KCNH7: variants seen among roughly 807,000 people sequenced by gnomAD.
KCNH7 encodes the protein voltage-gated inwardly rectifying potassium channel KCNH7.
In KCNH7, 49 loss-of-function variants were observed where a neutral mutation model predicts 120.8. The ratio of observed to expected loss-of-function variants is 0.41; its 90% CI spans 0.32 to 0.51. The LOEUF is 0.51. Ranked by LOEUF, KCNH7 falls within the 20% of genes least tolerant of loss-of-function variation. The pLI is 0.38. For synonymous variants in KCNH7, 547 were observed against 516.1 expected, an observed-to-expected ratio of 1.06 and a Z score of -0.81; for missense variants, 1,097 against 1,446.6, an observed-to-expected ratio of 0.76 and a Z score of 3.92.
chr2:162,805,839 C>T (rs896703716), intron 2 of KCNH7, among the ~76,000 whole-genome samples: 3 of 152,072 alleles, frequency 2.0e-5, no homozygotes, highest in Non-Finnish European at 2.9e-5. Context: ...GTTCAGTGCC[C>T]ATTCACCAAT....
At chr2:162,480,177 T>C (rs1266538389) in intron 6 of KCNH7, among the ~76,000 whole-genome samples, 1 of 152,180 alleles carries the variant, frequency 6.6e-6, no homozygotes, top group South Asian at 2.1e-4. Flanking sequence ...ATTGAAATAC[T>C]GCAATTTTAA....
intron 9 of KCNH7, among the ~76,000 whole-genome samples, chr2:162,404,258 G>C (rs1687144584): frequency 6.6e-6 from 1 of 151,914 alleles, no homozygotes; most frequent in South Asian, 2.1e-4. Context: ...ACCTTCCACT[G>C]TGTATTTGAA....
intron 2 of KCNH7, among the ~76,000 whole-genome samples, chr2:162,581,154 C>T (rs1384157864): frequency 6.6e-6 from 1 of 151,962 alleles, no homozygotes; most frequent in African/African-American, 2.4e-5. Flanking sequence ...CTGGATATCT[C>T]CCTGATTTCT....
At chr2:162,713,681 G>A (rs1050240761) in intron 2 of KCNH7, among the ~76,000 whole-genome samples, 5 of 152,120 alleles carry the variant, frequency 3.3e-5, no homozygotes, top group African/African-American at 1.2e-4. Context: ...GAAAATGTGA[G>A]CTAAACATCT....
chr2:162,495,251 G>A (rs1038389563), intron 6 of KCNH7, among the ~76,000 whole-genome samples: 1 of 152,142 alleles, frequency 6.6e-6, no homozygotes, highest in African/African-American at 2.4e-5. Context: ...ACCAATTAAA[G>A]CTCCTTAGGA....
At chr2:162,771,393 A>G (rs997877850) in intron 2 of KCNH7, among the ~76,000 whole-genome samples, 1 of 152,128 alleles carries the variant, frequency 6.6e-6, no homozygotes, top group Non-Finnish European at 1.5e-5. Context: ...TCCTTTGTGT[A>G]GGTTTCCTCT....
intron 2 of KCNH7, among the ~76,000 whole-genome samples, chr2:162,704,982 C>A (rs1047406692): frequency 1.3e-5 from 2 of 152,074 alleles, no homozygotes; most frequent in Non-Finnish European, 2.9e-5. Context: ...TTTTTTAGCA[C>A]TTTTAGTGAT....
At chr2:162,433,652 G>C (rs1324190323) in intron 8 of KCNH7, among the ~76,000 whole-genome samples, 2 of 152,064 alleles carry the variant, frequency 1.3e-5, no homozygotes, top group Non-Finnish European at 2.9e-5. Flanking sequence ...AGATTGGAAT[G>C]TAAGACCTCA....
chr2:162,747,593 C>T lies in KCNH7; in HGVS notation c.307+88944G>A, dbSNP rs572344766. ...GTAGGCAGAACTGAACTCAATATTC[C>T]ACCCAATAGTCTAGTTCAAGAGGGT... On this transcript the variant is annotated intron_variant, in intron 2 of 15. Transcript: ENST00000332142. 5.5e-4 allele frequency among the ~76,000 whole-genome samples: 83 copies of T among 152,214 alleles called. 2 individuals carry two copies. In the South Asian group the frequency reaches 0.016, roughly 30 times the overall value.
chr2:162,603,658 G>A (rs991360772), intron 2 of KCNH7, among the ~76,000 whole-genome samples: 1 of 151,996 alleles, frequency 6.6e-6, no homozygotes, highest in Non-Finnish European at 1.5e-5. Flanking sequence ...CAAAGAACTG[G>A]ACATAAAAGG....
At chr2:162,834,094 C>T (rs989838815) in intron 2 of KCNH7, among the ~76,000 whole-genome samples, 17 of 152,030 alleles carry the variant, frequency 1.1e-4, no homozygotes, top group Admixed American at 9.8e-4. Flanking sequence ...TTCCTCCTTC[C>T]AGCTTTTATA....
chr2:162,574,016 A>T (rs1286439346), intron 2 of KCNH7, among the ~76,000 whole-genome samples: 1 of 152,072 alleles, frequency 6.6e-6, no homozygotes, highest in Non-Finnish European at 1.5e-5. Flanking sequence ...CCAAATTATC[A>T]TCAAATCTTT....
intron 2 of KCNH7, among the ~76,000 whole-genome samples, chr2:162,632,871 A>C (rs1028647885): frequency 1.3e-5 from 2 of 151,874 alleles, no homozygotes; most frequent in African/African-American, 4.8e-5. Context: ...ATAAAAATAC[A>C]GGAGAATGTT....
chr2:162,714,380 A>G (rs966078842), intron 2 of KCNH7, among the ~76,000 whole-genome samples: 5 of 152,194 alleles, frequency 3.3e-5, no homozygotes, highest in African/African-American at 9.6e-5. Context: ...AAGTTGAAAT[A>G]TTAAAACAAA....
At chr2:162,683,200 G>A (rs1393316892) in intron 2 of KCNH7, among the ~76,000 whole-genome samples, 1 of 151,846 alleles carries the variant, frequency 6.6e-6, no homozygotes, top group African/African-American at 2.4e-5. Flanking sequence ...TTATATTTAA[G>A]TAGATAGAGA....
In KCNH7 at chr2:162,453,803, G is replaced by A. The variant is rs188689178; in HGVS notation, c.1129-7360C>T. Among the ~76,000 whole-genome samples, 35 of 152,036 alleles carry A rather than the reference G, an allele frequency of 2.3e-4. No individual in the cohort carries two copies. The East Asian group carries it at 6.0e-3, about 26-fold the overall frequency. On this transcript the variant is annotated intron_variant, in intron 6 of 15. Coordinates refer to ENST00000332142, the MANE Select transcript of KCNH7 (RefSeq NM_033272.4). ...TCATATCCTTCACCCACTTTTTGAT[G>A]GGGTTGTTTTTTTCTTGTAAATTTT...
chr2:162,825,949 G>GT (rs1450339391), intron 2 of KCNH7, among the ~76,000 whole-genome samples: 17 of 149,850 alleles, frequency 1.1e-4, no homozygotes, highest in South Asian at 2.1e-4. Context: ...TTAAGATTAT[G>GT]GTTTTTTTTC....
chr2:162,420,236 C>T (rs1232802969), intron 9 of KCNH7, among the ~76,000 whole-genome samples: 5 of 151,938 alleles, frequency 3.3e-5, no homozygotes, highest in South Asian at 2.1e-4. Flanking sequence ...ATTAGCCAGG[C>T]GTGGTGGCAT....
chr2:162,572,110 A>C (rs1319035634), intron 2 of KCNH7, among the ~76,000 whole-genome samples: 1 of 152,032 alleles, frequency 6.6e-6, no homozygotes, highest in Non-Finnish European at 1.5e-5. Flanking sequence ...TGAACAGGCA[A>C]CCTACAAAAT....
Sources: gnomAD v4.1 joint callset for allele counts (sites outside exome capture counted in the v4.1 genomes callset) on GRCh38, gnomAD v4.1.1 for gene constraint, MANE v1.5 for transcripts, NCBI Gene and HGNC (gene_info 2026-07-23, HGNC 2026-07-21) for gene names.